SEC24C: variants seen among roughly 807,000 people sequenced by gnomAD.
SEC24C encodes SEC24 homolog C, COPII component, also known as protein transport protein Sec24C.
SEC24C carries 22 observed loss-of-function variants against 117.0 expected under a neutral mutation model. That is an observed-to-expected ratio of 0.19 (90% CI 0.13 to 0.27). SEC24C has a LOEUF of 0.27. SEC24C is among the 10% of genes least tolerant of loss of function. SEC24C has a pLI of 1.00. For synonymous variants in SEC24C, 506 were observed against 529.4 expected (o/e 0.96, Z 0.61); for missense variants, 1,155 against 1,375.1 (o/e 0.84, Z 2.53).
In SEC24C at chr10:73,768,885, A is replaced by G. The variant is rs1305913496; in HGVS notation, c.2257A>G (p.Met753Val). The G allele has an allele frequency of 1.9e-6, 3 of 1,614,044 alleles. No individual in the cohort carries two copies. Among genetic ancestry groups the G allele is most frequent in the Non-Finnish European group, 2.5e-6 (3 of 1,180,036 alleles). Residue 753 changes from methionine (M) to valine (V), a missense_variant, in exon 16 of 23, where the codon ATG (methionine) becomes GTG (valine). Met to Val is a conservative substitution (Grantham distance 21). Coordinates refer to ENST00000345254, the MANE Select transcript of SEC24C (RefSeq NM_198597.3). Reference sequence around the variant, plus strand: ...GAAGGTTGTTGGCTTTGATGCTGTGATGCGGGTCCGGACAAGCACTGGTCA... The same window carrying G: ...GAAGGTTGTTGGCTTTGATGCTGTGGTGCGGGTCCGGACAAGCACTGGTCA... ...VQKVVGFDAV[M>V]RVRTSTGIRA...
At position 73,766,295 on chromosome 10, in the gene SEC24C, A is replaced by C. The variant is rs1458524780; in HGVS notation, c.1608-55A>C. 1.9e-6 allele frequency: 3 copies of C among 1,580,468 alleles called. No homozygotes were observed. In the African/African-American group the frequency reaches 4.1e-5, roughly 21 times the overall value. ...GAAGAAATGTAGCTTGGTGTCATGA[A>C]GTTGTGGGTGGTGGAAAAGGTGGCA... is the stretch of plus-strand genomic sequence containing the variant. On this transcript the variant is annotated intron_variant, in intron 11 of 22. Transcript: ENST00000345254.
intron 1 of SEC24C, among the ~76,000 whole-genome samples, chr10:73,745,331 A>T (rs2082530356): frequency 6.6e-6 from 1 of 151,934 alleles, no homozygotes; most frequent in Non-Finnish European, 1.5e-5. Flanking sequence ...TAACAATCGT[A>T]AGGGGAGCAG....
Position 73,770,809 on chromosome 10 carries a change from T to C in SEC24C, c.3144+11T>C, listed in dbSNP as rs1278591723. ...TCCCGGTACATGAAGGTAACACTGA[T>C]CTGAACCCTGGATTTCTTACCTTGT... On this transcript the variant is annotated intron_variant, in intron 22 of 22. Transcript: ENST00000345254. 1.9e-6 allele frequency: 3 copies of C among 1,613,854 alleles called. No individual in the cohort carries two copies. Among genetic ancestry groups the C allele is most frequent in the Non-Finnish European group, 2.5e-6 (3 of 1,179,846 alleles).
rs1384010343 is a variant in SEC24C at position 73,763,886 on chromosome 10, C to T, written c.1130C>T (p.Thr377Ile). 2 of 1,613,742 alleles carry T rather than the reference C, an allele frequency of 1.2e-6. No homozygotes were observed. Among genetic ancestry groups the T allele is most frequent in the Admixed American group, 3.3e-5 (2 of 59,982 alleles). The change falls in exon 8 of 23, where the codon ACA (threonine) becomes ATA (isoleucine). Residue 377 changes from threonine (T) to isoleucine (I), a missense_variant. By Grantham distance (89) the Thr-to-Ile change is moderately conservative. Around this residue, in one of 2 missense-constraint regions of SEC24C, gnomAD observed 759 missense variants for 992.3 expected, o/e 0.76. Coordinates refer to ENST00000345254, the MANE Select transcript of SEC24C (RefSeq NM_198597.3). The part of the protein sequence containing the change: ...GNASPRYIRC[T>I]SYNIPCTSDM... Reference sequence around the variant, plus strand: ...GCAAGTCCCCGATACATCCGATGTACATCCTATAATATCCCTTGCACATCT... The same window carrying T: ...GCAAGTCCCCGATACATCCGATGTATATCCTATAATATCCCTTGCACATCT...
At chr10:73,758,441 C>T (rs2082745595) in intron 3 of SEC24C, among the ~76,000 whole-genome samples, 1 of 152,192 alleles carries the variant, frequency 6.6e-6, no homozygotes, top group Non-Finnish European at 1.5e-5. Context: ...AATATATTGA[C>T]AGATATGTGC....
Position 73,760,697 on chromosome 10 carries a change from T to C in SEC24C, c.851-16T>C. ...GATGGGATTTTGAGTTCATCAACCT[T>C]GTGTCCTTGTCTCAGGTTCCTTCGG... On this transcript the variant is annotated splice_polypyrimidine_tract_variant and intron_variant, in intron 5 of 22. Coordinates refer to ENST00000345254, the MANE Select transcript of SEC24C (RefSeq NM_198597.3). 2.5e-6 allele frequency: 4 copies of C among 1,577,466 alleles called. No homozygotes were observed. Among genetic ancestry groups the C allele is most frequent in the Non-Finnish European group, 3.4e-6 (4 of 1,164,202 alleles).
Position 73,744,455 on chromosome 10 carries a change from G to A in SEC24C, c.-29+18G>A, listed in dbSNP as rs1432724005. 6.5e-6 allele frequency: 1 copy of A among 152,962 alleles called. No individual in the cohort carries two copies. Among genetic ancestry groups the A allele is most frequent in the African/African-American group, 2.4e-5 (1 of 41,472 alleles). The allele number at this position is 152,962 out of a possible 1,614,324, so 9.5% of individuals were successfully genotyped here. On this transcript the variant is annotated intron_variant, in intron 1 of 22. Coordinates refer to ENST00000345254, the MANE Select transcript of SEC24C (RefSeq NM_198597.3). ...GGAGCCGGGTGAGGAGTGGCATCGG[G>A]AGGTTGGCGGGTAGGAAAGCAAAGG...
intron 3 of SEC24C, among the ~76,000 whole-genome samples, chr10:73,759,042 G>A (rs113103399): frequency 2.0e-5 from 3 of 152,266 alleles, no homozygotes; most frequent in African/African-American, 4.8e-5. Flanking sequence ...TAAAAAATGC[G>A]AAAACTAGCC....
intron 8 of SEC24C, 101 bp downstream of exon 8, chr10:73,764,084 T>C: frequency 7.1e-7 from 1 of 1,415,568 alleles, no homozygotes; most frequent in Non-Finnish European, 9.4e-7. Flanking sequence ...ATGGAAGATA[T>C]TTTAGTTAGG....
At position 73,751,121 on chromosome 10, in the gene SEC24C, CCCA is replaced by C; in HGVS notation, c.189_191del (p.Pro64del). Reference sequence around the variant, plus strand: ...CTTTACCCTCAGGTATGTCAAGAGCCCCACCTTCCTCGGGGGCACCTCCAGCCT... The same window carrying C: ...CTTTACCCTCAGGTATGTCAAGAGCCCCTTCCTCGGGGGCACCTCCAGCCT... On this transcript the variant is annotated inframe_deletion, in exon 3 of 23. Transcript: ENST00000345254. The C allele has an allele frequency of 6.2e-7, 1 of 1,613,982 alleles. No individual in the cohort carries two copies. Among genetic ancestry groups the C allele is most frequent in the Non-Finnish European group, 8.5e-7 (1 of 1,179,894 alleles).
chr10:73,771,278 T>A lies in SEC24C; in HGVS notation c.*183T>A. The A allele has an allele frequency of 3.1e-6, 2 of 645,296 alleles. No individual in the cohort carries two copies. The highest frequency in any genetic ancestry group is 2.6e-6 in the Non-Finnish European group (1 of 380,900). 40.0% of individuals were successfully genotyped at this position (645,296 alleles called of 1,614,324 possible). A position where few individuals can be genotyped will look rare whatever the true frequency, so the allele number is the denominator to read the frequency against. Reference sequence around the variant, plus strand: ...ATCCTGCCACTCTGTCATGTCCTGCTGATGGAAGGTGCCCCTGTTCCCTCA... The same window carrying A: ...ATCCTGCCACTCTGTCATGTCCTGCAGATGGAAGGTGCCCCTGTTCCCTCA... On this transcript the variant is annotated 3_prime_UTR_variant, in exon 23 of 23. Coordinates refer to ENST00000345254, the MANE Select transcript of SEC24C (RefSeq NM_198597.3).
At chr10:73,753,776 T>C (rs1309177861) in intron 3 of SEC24C, among the ~76,000 whole-genome samples, 6 of 152,232 alleles carry the variant, frequency 3.9e-5, no homozygotes, top group Non-Finnish European at 7.3e-5. Context: ...CACCTCTGTC[T>C]TCTTTTTCTT....
intron 21 of SEC24C, 31 bp downstream of exon 21, chr10:73,770,502 T>C: frequency 5.0e-6 from 8 of 1,607,868 alleles, no homozygotes; most frequent in Non-Finnish European, 6.8e-6. Context: ...AGAATATGGG[T>C]GTGGAAGTAT....
chr10:73,768,860 G>C lies in SEC24C; in HGVS notation c.2232G>C (p.Gln744His), dbSNP rs541145850. ...RFLSDLRRDV[Q>H]KVVGFDAVMR... ...TGAGTGACCTGCGTCGTGATGTCCA[G>C]AAGGTTGTTGGCTTTGATGCTGTGA... is the stretch of plus-strand genomic sequence containing the variant. Residue 744 changes from glutamine to histidine, a missense_variant, in exon 16 of 23, where the codon CAG becomes CAC. Coordinates refer to ENST00000345254, the MANE Select transcript of SEC24C (RefSeq NM_198597.3). The C allele has an allele frequency of 4.3e-6, 7 of 1,614,164 alleles. No homozygotes were observed. In the South Asian group the frequency reaches 5.5e-5, roughly 13 times the overall value.
At chr10:73,752,970 C>T (rs1009063222) in intron 3 of SEC24C, among the ~76,000 whole-genome samples, 1 of 152,186 alleles carries the variant, frequency 6.6e-6, no homozygotes, top group Non-Finnish European at 1.5e-5. Context: ...TTTCCATGTG[C>T]CCCAATTCAA....
At chr10:73,746,030 C>A (rs559958707) in intron 1 of SEC24C, among the ~76,000 whole-genome samples, 1 of 151,582 alleles carries the variant, frequency 6.6e-6, no homozygotes, top group Non-Finnish European at 1.5e-5. Context: ...TGTGGTGGCA[C>A]GCGCCTGTAA....
At chr10:73,750,979 T>C in intron 2 of SEC24C, 129 bp from the exon 3 acceptor site, 1 of 979,160 alleles carries the variant, frequency 1.0e-6, no homozygotes, top group Non-Finnish European at 1.5e-6. Context: ...GTAGTGTCCT[T>C]TTCACTGCCT....
intron 3 of SEC24C, among the ~76,000 whole-genome samples, chr10:73,754,400 G>GT (rs1394486578): frequency 2.6e-5 from 4 of 152,154 alleles, no homozygotes; most frequent in Non-Finnish European, 5.9e-5. Context: ...GGGCGACAGA[G>GT]TGAGACTTCG....
intron 5 of SEC24C, 97 bp from the exon 6 acceptor site, chr10:73,760,616 T>TA: frequency 7.5e-7 from 1 of 1,330,188 alleles, no homozygotes; most frequent in Non-Finnish European, 1.0e-6. Context: ...GTGTGCCTCA[T>TA]AATTCTATGT....
Sources: allele counts gnomAD v4.1 joint callset (sites outside exome capture counted in the v4.1 genomes callset), GRCh38; gene constraint gnomAD v4.1.1; regional missense constraint gnomAD v4.1.1; transcripts MANE v1.5; gene names NCBI Gene and HGNC (gene_info 2026-07-23, HGNC 2026-07-21).